Variants in CCDC78 observed in about 807,000 individuals in gnomAD.
CCDC78 encodes the protein coiled-coil domain containing 78, also known as coiled-coil domain-containing protein 78.
In CCDC78, 78 loss-of-function variants were observed where a neutral mutation model predicts 61.9. The observed-to-expected ratio is 1.26, with a 90% CI of 1.05 to 1.52. The LOEUF is 1.52. Ranked by LOEUF, CCDC78 falls within the 40% of genes most tolerant of loss-of-function variation. The pLI, the probability that CCDC78 is intolerant of heterozygous loss-of-function variation, is 0.00. For synonymous variants in CCDC78, 287 were observed against 251.9 expected (o/e 1.14, Z -1.32); for missense variants, 737 against 615.5 (o/e 1.20, Z -2.09).
At chr16:723,631 C>G (rs2040486233) in intron 11 of CCDC78, 5 of 697,368 alleles carry the variant, frequency 7.2e-6, no homozygotes, top group Non-Finnish European at 1.3e-5. Flanking sequence ...CCTCCGTGTT[C>G]AAGGCCAGCT....
chr16:726,579 A>C, upstream of CCDC78: 1 of 607,364 alleles, frequency 1.6e-6, no homozygotes, highest in Non-Finnish European at 2.8e-6. Context: ...CCGTTTCCCC[A>C]TCTGGGGAAT....
Position 724,199 on chromosome 16 carries a change from A to AG in CCDC78, c.959dup (p.Gly321TrpfsTer8), listed in dbSNP as rs1353103423. 6.3e-7 allele frequency: 1 copy of AG among 1,595,606 alleles called. No individual in the cohort carries two copies. Among genetic ancestry groups the AG allele is most frequent in the African/African-American group, 1.3e-5 (1 of 74,548 alleles). Reference sequence around the variant, plus strand: ...TGTCAAAAATAGCTTGGGGGTTCCCAGGTGCCCTGTCAGGGTAGGCTAGTG... The same window carrying AG: ...TGTCAAAAATAGCTTGGGGGTTCCCAGGGTGCCCTGTCAGGGTAGGCTAGTG... On this transcript the variant is annotated frameshift_variant, in exon 10 of 14. Coordinates refer to ENST00000345165, the MANE Select transcript of CCDC78 (RefSeq NM_001378030.1). LOFTEE classifies it high-confidence loss of function.
chr16:725,824 A>G lies in CCDC78; in HGVS notation c.237T>C (p.His79=), dbSNP rs2151572344. ...TCTTCAGCTGGAAGATTTCAGCCTC[A>G]TGCTGCTCATGTAGGTGGTGGGTTG... ...QITTHHLHEQ[H]EAEIFQLKSE... Residue 79 remains histidine (H), a synonymous_variant, in exon 3 of 14, where the codon CAT becomes CAC. Coordinates refer to ENST00000345165, the MANE Select transcript of CCDC78 (RefSeq NM_001378030.1). 1 of 1,610,768 alleles carries G rather than the reference A, an allele frequency of 6.2e-7. No homozygotes were observed.
At position 725,471 on chromosome 16, in the gene CCDC78, G is replaced by T; in HGVS notation, c.377C>A (p.Ala126Asp). ...ESDPRHPRAAAQELRHKAQVP... is the reference protein window; with the variant it reads ...ESDPRHPRAADQELRHKAQVP... Reference sequence around the variant, plus strand: ...CTGGGCTTTGTGTCTGAGCTCTTGGGCTGCTGCCCGGGGATGCCTGGGGTC... The same window carrying T: ...CTGGGCTTTGTGTCTGAGCTCTTGGTCTGCTGCCCGGGGATGCCTGGGGTC... Residue 126 changes from alanine (A) to aspartate (D), a missense_variant, in exon 4 of 14, where the codon GCC (alanine) becomes GAC (aspartate). Coordinates refer to ENST00000345165, the MANE Select transcript of CCDC78 (RefSeq NM_001378030.1). 6.2e-7 allele frequency: 1 copy of T among 1,612,770 alleles called. No homozygotes were observed. Among genetic ancestry groups the T allele is most frequent in the South Asian group, 1.1e-5 (1 of 91,088 alleles).
rs1178561977 is a variant in CCDC78, at chr16:724,183, T to C, written c.976A>G (p.Ile326Val). The C allele has an allele frequency of 6.2e-7, 1 of 1,602,650 alleles. No homozygotes were observed. Among genetic ancestry groups the C allele is most frequent in the Non-Finnish European group, 8.5e-7 (1 of 1,174,532 alleles). The change falls in exon 10 of 14, where the codon ATT becomes GTT. Residue 326 changes from isoleucine (I) to valine (V), a missense_variant. By Grantham distance (29) the Ile-to-Val change is conservative (BLOSUM62 3). Coordinates refer to ENST00000345165, the MANE Select transcript of CCDC78 (RefSeq NM_001378030.1). ...AGGTCCAAGCTGGCTATGTCAAAAA[T>C]AGCTTGGGGGTTCCCAGGTGCCCTG... is the stretch of plus-strand genomic sequence containing the variant. ...AYRAPGNPQA[I>V]FDIASLDLEP...
chr16:724,449 C>G lies in CCDC78; in HGVS notation c.826G>C (p.Ala276Pro). The G allele has an allele frequency of 6.2e-7, 1 of 1,604,794 alleles. No homozygotes were observed. The highest frequency in any genetic ancestry group is 8.5e-7 in the Non-Finnish European group (1 of 1,179,816). ...GCTGCCCGGATGTCCTCCAGAGTCGCCTCCAGGAATGTCCGGAGGGCCGTG... is the reference window on the plus strand; with the variant it reads ...GCTGCCCGGATGTCCTCCAGAGTCGGCTCCAGGAATGTCCGGAGGGCCGTG... The part of the protein sequence containing the change: ...ATTALRTFLE[A>P]TLEDIRAAHR... Residue 276 changes from alanine to proline, a missense_variant, in exon 9 of 14, where the codon GCG becomes CCG. Physicochemically the swap from Ala to Pro is conservative, Grantham distance 27 (BLOSUM62 -1). Transcript: ENST00000345165.
chr16:723,773 G>T, intron 11 of CCDC78, 84 bp downstream of exon 11: 1 of 1,270,732 alleles, frequency 7.9e-7, no homozygotes, highest in Non-Finnish European at 1.1e-6. Flanking sequence ...GGGCTTGGTG[G>T]AGCAACTGGG....
chr16:725,821 C>T lies in CCDC78; in HGVS notation c.240G>A (p.Glu80=), dbSNP rs1366295901. 3.1e-6 allele frequency: 5 copies of T among 1,610,406 alleles called. No homozygotes were observed. The Admixed American group carries it at 6.7e-5, about 22-fold the overall frequency. The change falls in exon 3 of 14, where the codon GAG becomes GAA. Residue 80 remains glutamate, a synonymous_variant. Coordinates refer to ENST00000345165, the MANE Select transcript of CCDC78 (RefSeq NM_001378030.1). ...CACTCTTCAGCTGGAAGATTTCAGC[C>T]TCATGCTGCTCATGTAGGTGGTGGG... is the stretch of plus-strand genomic sequence containing the variant. ...ITTHHLHEQH[E]AEIFQLKSEI...
chr16:726,136 G>T, intron 1 of CCDC78, 51 bp from the exon 2 acceptor site: 1 of 1,550,036 alleles, frequency 6.5e-7, no homozygotes, highest in Non-Finnish European at 8.7e-7. Flanking sequence ...GCTGGGCTGT[G>T]GCCCCACTCC....
intron 11 of CCDC78, chr16:723,453 G>T (rs934757227): frequency 1.5e-6 from 1 of 689,204 alleles, no homozygotes; most frequent in Non-Finnish European, 2.7e-6. Flanking sequence ...CCCCACACGG[G>T]TGTGCCCTAA....
In CCDC78 at chr16:726,244, G is replaced by C. The variant is rs375486744; in HGVS notation, c.60+64C>G. 153 of 1,549,716 alleles carry C rather than the reference G, an allele frequency of 9.9e-5. 2 individuals carry two copies. The African/African-American group carries it at 1.9e-3, about 19-fold the overall frequency. ...AGGGTGCAGGAACCTGCACCCTCCT[G>C]GCCTTTGGGGGAACGGGCAGACTTC... On this transcript the variant is annotated intron_variant, in intron 1 of 13. Coordinates refer to ENST00000345165, the MANE Select transcript of CCDC78 (RefSeq NM_001378030.1).
intron 11 of CCDC78, chr16:723,566 C>T (rs1345258270): frequency 1.5e-6 from 1 of 679,726 alleles, no homozygotes; most frequent in African/African-American, 1.8e-5. Context: ...CTGCTCCCAC[C>T]CCTCGCGTCC....
intron 1 of CCDC78, 70 bp from the exon 2 acceptor site, chr16:726,155 C>A: frequency 6.5e-7 from 1 of 1,550,308 alleles, no homozygotes. Context: ...CCCATGCAGT[C>A]ACCAGTCCCG....
chr16:724,253 C>CA, intron 9 of CCDC78, 48 bp from the exon 10 acceptor site: 1 of 1,586,628 alleles, frequency 6.3e-7, no homozygotes, highest in Non-Finnish European at 8.6e-7. Flanking sequence ...TGCTGCACAC[C>CA]AAGCCTTTGA....
chr16:724,765 A>C lies in CCDC78; in HGVS notation c.681T>G (p.Ala227=). 6.2e-7 allele frequency: 1 copy of C among 1,612,080 alleles called. No individual in the cohort carries two copies. The highest frequency in any genetic ancestry group is 1.1e-5 in the South Asian group (1 of 90,914). ...GCTGCAGCTGCAGCCGGGCATTTTC[A>C]GCCTCTGCCTGACGGAGCTGGCCTT... ...SCQGQLRQAE[A]ENARLQLQLK... Residue 227 remains alanine (A), a synonymous_variant, in exon 8 of 14, where the codon GCT becomes GCG. Transcript: ENST00000345165.
At position 722,714 on chromosome 16, in the gene CCDC78, T is replaced by C; in HGVS notation, c.1377A>G (p.Pro459=). The C allele has an allele frequency of 6.2e-7, 1 of 1,610,308 alleles. No individual in the cohort carries two copies. Among genetic ancestry groups the C allele is most frequent in the East Asian group, 2.2e-5 (1 of 44,882 alleles). ...GDPWKVGAVP[P]AKPQHPRTGS... Reference sequence around the variant, plus strand: ...CGGTCCTTGGATGCTGGGGCTTGGCTGGAGGCACAGCCCCCACTTTCCAGG... The same window carrying C: ...CGGTCCTTGGATGCTGGGGCTTGGCCGGAGGCACAGCCCCCACTTTCCAGG... The change falls in exon 14 of 14, where the codon CCA becomes CCG. Residue 459 remains proline (P), a synonymous_variant. Coordinates refer to ENST00000345165, the MANE Select transcript of CCDC78 (RefSeq NM_001378030.1).
rs769831414 is a variant in CCDC78 at position 725,906 on chromosome 16, C to T, written c.181-26G>A. 1.7e-5 allele frequency: 27 copies of T among 1,597,196 alleles called. No homozygotes were observed. In the African/African-American group the frequency reaches 2.1e-4, roughly 13 times the overall value. ...CTGTGGGTGGCCAGGTGAGAGGTGG[C>T]GTCTGTGGGCCCTGCTGGCACCCTC... On this transcript the variant is annotated intron_variant, in intron 2 of 13. Coordinates refer to ENST00000345165, the MANE Select transcript of CCDC78 (RefSeq NM_001378030.1).
At chr16:723,782 G>A in intron 11 of CCDC78, 75 bp downstream of exon 11, 3 of 1,416,440 alleles carry the variant, frequency 2.1e-6, no homozygotes, top group Non-Finnish European at 2.9e-6. Context: ...GGAGCAACTG[G>A]GGGCCCCAGG....
chr16:723,050 G>A (rs2151538330), intron 12 of CCDC78, 28 bp from the exon 13 acceptor site: 3 of 1,612,456 alleles, frequency 1.9e-6, no homozygotes, highest in Non-Finnish European at 2.5e-6. Context: ...GCCATGAGCT[G>A]GGGCATGGCG....
Sources: allele counts gnomAD v4.1 joint callset, GRCh38; gene constraint gnomAD v4.1.1; transcripts MANE v1.5; gene names NCBI Gene and HGNC (gene_info 2026-07-23, HGNC 2026-07-21).